PDE4D: variants seen among roughly 807,000 people sequenced by gnomAD.
PDE4D encodes the protein 3',5'-cyclic-AMP phosphodiesterase 4D.
Under a neutral mutation model 87.4 loss-of-function variants are expected in PDE4D, and 24 were observed. The observed-to-expected ratio is 0.27, with a 90% CI of 0.20 to 0.39. The LOEUF is 0.39. Among genes scored for constraint, PDE4D ranks in the 10% least tolerant of loss-of-function variants. The pLI, the probability that PDE4D is intolerant of heterozygous loss-of-function variation, is 1.00. For missense variants in PDE4D, 714 were observed against 1,041.0 expected, an observed-to-expected ratio of 0.69 and a Z score of 4.32; for synonymous variants, 384 against 383.2, an observed-to-expected ratio of 1.00 and a Z score of -0.02.
intron 6 of PDE4D, among the ~76,000 whole-genome samples, chr5:59,022,372 C>T (rs1411529318): frequency 6.6e-6 from 1 of 152,076 alleles, no homozygotes; most frequent in Non-Finnish European, 1.5e-5. Context: ...CGTCTTTCCT[C>T]TTTCTCTCTT....
intron 6 of PDE4D, among the ~76,000 whole-genome samples, chr5:59,005,079 G>A (rs1751335414): frequency 6.6e-6 from 1 of 152,194 alleles, no homozygotes; most frequent in East Asian, 1.9e-4. Context: ...ATAGGTGACA[G>A]GAAAGGACAA....
chr5:59,008,915 T>C (rs970438700), intron 6 of PDE4D, among the ~76,000 whole-genome samples: 2 of 151,966 alleles, frequency 1.3e-5, no homozygotes, highest in Non-Finnish European at 2.9e-5. Context: ...GTCAAAAGAT[T>C]TGAACAAACA....
chr5:59,690,783 A>T (rs1561483358), intron 1 of PDE4D, among the ~76,000 whole-genome samples: 1 of 152,230 alleles, frequency 6.6e-6, no homozygotes, highest in Non-Finnish European at 1.5e-5. Flanking sequence ...TGAACAGGCA[A>T]CCTACAGAAT....
chr5:59,496,446 G>T (rs1030503417), intron 1 of PDE4D, among the ~76,000 whole-genome samples: 8 of 152,080 alleles, frequency 5.3e-5, no homozygotes, highest in African/African-American at 1.9e-4. Flanking sequence ...TGGAGCCCTC[G>T]CCAGGGACTC....
chr5:60,446,729 G>C (rs1172108886), intron 1 of PDE4D, among the ~76,000 whole-genome samples: 2 of 152,146 alleles, frequency 1.3e-5, no homozygotes, highest in Non-Finnish European at 2.9e-5. Context: ...AATTCAGATG[G>C]AGAGCTAAGT....
In PDE4D at chr5:59,788,096, G is replaced by GA. The variant is rs1323320812; in HGVS notation, c.455+105071dup. Among the ~76,000 whole-genome samples the GA allele has an allele frequency of 4.0e-5, 6 of 151,828 alleles. No homozygotes were observed. In the East Asian group the frequency reaches 5.8e-4, roughly 15 times the overall value. On this transcript the variant is annotated intron_variant, in intron 1 of 14. Coordinates refer to ENST00000340635, the MANE Select transcript of PDE4D (RefSeq NM_001104631.2). ...CCAACATTCTCAGCAATAGAAAAATGAAAAAAATGCATTCTAGTATGGTGT... is the reference window on the plus strand; with the variant it reads ...CCAACATTCTCAGCAATAGAAAAATGAAAAAAAATGCATTCTAGTATGGTGT...
intron 1 of PDE4D, among the ~76,000 whole-genome samples, chr5:59,462,168 C>A (rs1800873651): frequency 6.6e-6 from 1 of 152,104 alleles, no homozygotes; most frequent in Non-Finnish European, 1.5e-5. Flanking sequence ...GAAGAAAACA[C>A]TTCTAAGAAT....
At chr5:60,449,389 A>G (rs1418326907) in intron 1 of PDE4D, among the ~76,000 whole-genome samples, 1 of 151,186 alleles carries the variant, frequency 6.6e-6, no homozygotes, top group Non-Finnish European at 1.5e-5. Context: ...AAACTATCGC[A>G]AGAACAAAAA....
chr5:59,000,106 C>T (rs1750186087), intron 6 of PDE4D, among the ~76,000 whole-genome samples: 2 of 152,168 alleles, frequency 1.3e-5, no homozygotes, highest in African/African-American at 2.4e-5. Context: ...ACCCGACAAA[C>T]GCCATTGAAT....
chr5:59,916,960 T>C (rs1205520388), intron 3 of PDE4D, among the ~76,000 whole-genome samples: 4 of 141,730 alleles, frequency 2.8e-5, no homozygotes, highest in African/African-American at 1.1e-4. Flanking sequence ...GCTAATTTTT[T>C]TTTTTTTTTT....
chr5:59,751,750 A>G (rs1760517801), intron 1 of PDE4D, among the ~76,000 whole-genome samples: 1 of 151,966 alleles, frequency 6.6e-6, no homozygotes, highest in African/African-American at 2.4e-5. Context: ...ATTTGTTCAC[A>G]CTATTCCCTT....
At chr5:59,027,002 C>T (rs1195466230) in intron 6 of PDE4D, among the ~76,000 whole-genome samples, 1 of 152,124 alleles carries the variant, frequency 6.6e-6, no homozygotes, top group Non-Finnish European at 1.5e-5. Flanking sequence ...CACGTAATTT[C>T]CTTTTTTCTG....
At chr5:60,424,618 A>G (rs918880798) in intron 1 of PDE4D, among the ~76,000 whole-genome samples, 31 of 152,148 alleles carry the variant, frequency 2.0e-4, no homozygotes, top group African/African-American at 7.5e-4. Flanking sequence ...TTTGAAAACC[A>G]GCACAAGACA....
At chr5:59,551,921 T>C (rs1818189885) in intron 1 of PDE4D, among the ~76,000 whole-genome samples, 2 of 152,112 alleles carry the variant, frequency 1.3e-5, no homozygotes, top group African/African-American at 4.8e-5. Flanking sequence ...TCTTGTGCTA[T>C]TTAAAAAGAA....
chr5:59,497,197 T>C (rs141298951), intron 1 of PDE4D, among the ~76,000 whole-genome samples: 1 of 151,750 alleles, frequency 6.6e-6, no homozygotes, highest in African/African-American at 2.4e-5. Flanking sequence ...ATCCAAACAA[T>C]AGCAAATTCA....
At chr5:59,511,998 G>T (rs1052388575) in intron 1 of PDE4D, among the ~76,000 whole-genome samples, 1 of 152,008 alleles carries the variant, frequency 6.6e-6, no homozygotes, top group Non-Finnish European at 1.5e-5. Flanking sequence ...AAAGTTTGGC[G>T]CTCCAGAACA....
At chr5:59,137,241 C>A (rs1426310198) in intron 5 of PDE4D, among the ~76,000 whole-genome samples, 2 of 152,084 alleles carry the variant, frequency 1.3e-5, no homozygotes, top group Non-Finnish European at 2.9e-5. Context: ...AGTGATGTGA[C>A]CTCTTGGATT....
intron 3 of PDE4D, among the ~76,000 whole-genome samples, chr5:59,924,564 G>GAA (rs35983103): frequency 3.7e-5 from 5 of 134,368 alleles, no homozygotes; most frequent in African/African-American, 1.4e-4. Context: ...ACAAAGTGTG[G>GAA]AAAAAAAAAA....
rs529150731 is a variant in PDE4D, at chr5:59,012,324, G to A, written c.922-18859C>T. 2.4e-3 allele frequency among the ~76,000 whole-genome samples: 361 copies of A among 152,182 alleles called. 4 individuals are homozygous for A. The highest frequency in any genetic ancestry group is 8.5e-3 in the African/African-American group (351 of 41,520). The stretch of plus-strand genomic sequence containing the variant: ...ACAATATTAACCTTATATGTAAATG[G>A]GCTAAATGTTCCAATTAAAAAACAC... On this transcript the variant is annotated intron_variant, in intron 6 of 14. Transcript: ENST00000340635.
Sources: allele counts gnomAD v4.1 joint callset (sites outside exome capture counted in the v4.1 genomes callset), GRCh38; gene constraint gnomAD v4.1.1; transcripts MANE v1.5; gene names NCBI Gene and HGNC (gene_info 2026-07-23, HGNC 2026-07-21).